Variants in CARD14 observed in about 807,000 individuals in gnomAD.
CARD14 encodes the protein caspase recruitment domain-containing protein 14.
CARD14 carries 107 observed loss-of-function variants against 111.5 expected under a neutral mutation model. That is an observed-to-expected ratio of 0.96 (90% CI 0.82 to 1.13). The LOEUF (loss-of-function observed/expected upper bound fraction) is 1.13, where lower values mean the gene tolerates loss of function less well. CARD14 is among the 50% of genes most tolerant of loss of function. CARD14 has a pLI of 0.00. For missense variants in CARD14, 1,322 were observed against 1,362.3 expected (o/e 0.97, Z 0.47); for synonymous variants, 617 against 579.6 (o/e 1.06, Z -0.93).
intron 1 of CARD14, among the ~76,000 whole-genome samples, chr17:80,172,540 G>A (rs1567861765): frequency 6.6e-6 from 1 of 152,194 alleles, no homozygotes; most frequent in Non-Finnish European, 1.5e-5. Flanking sequence ...GCTTTCATCG[G>A]GGCTGAGGGG....
At position 80,201,750 on chromosome 17, in the gene CARD14, T is replaced by C. The variant is rs1302476342; in HGVS notation, c.1858T>C (p.Tyr620His). ...CTTCTCGACTTGCCCTCAGGTTGAT[T>C]ACGAAGCCTCAGAGCCCTTGTTCAA... Reference protein sequence around the residue: ...RPGTQIVMVDYEASEPLFKAV... With the variant: ...RPGTQIVMVDHEASEPLFKAV... Residue 620 changes from tyrosine to histidine, a missense_variant, in exon 17 of 24, where the codon TAC (tyrosine) becomes CAC (histidine). By Grantham distance (83) the Tyr-to-His change is moderately conservative (BLOSUM62 2). Transcript: ENST00000648509. The surrounding 1 kb of genome is among the most constrained non-coding windows in gnomAD (Gnocchi z 5.0). The C allele has an allele frequency of 3.7e-6, 6 of 1,614,002 alleles. No homozygotes were observed. The highest frequency in any genetic ancestry group is 1.1e-5 in the South Asian group (1 of 91,078).
chr17:80,207,107 G>A (rs764214711), intron 23 of CARD14, 22 bp downstream of exon 23: 10 of 1,580,150 alleles, frequency 6.3e-6, no homozygotes, highest in Non-Finnish European at 8.7e-6. Flanking sequence ...CTGGGGGCTG[G>A]GCAGGGGCTT....
rs1415225401 is a variant in CARD14 at position 80,173,118 on chromosome 17, A to T, written c.-477A>T. On this transcript the variant is annotated 5_prime_UTR_variant, in exon 2 of 24. The change abolishes the stop of an existing upstream ORF in the 5' untranslated region. Coordinates refer to ENST00000648509, the MANE Select transcript of CARD14 (RefSeq NM_001366385.1). ...TGGTCTCGAACTCTGACCTCAAGTG[A>T]TCTGCCTGCCTCAGCCTCTGAAAGT... 1 of 153,232 alleles carries T rather than the reference A, an allele frequency of 6.5e-6. No homozygotes were observed. The highest frequency in any genetic ancestry group is 1.5e-5 in the Non-Finnish European group (1 of 67,980). 9.5% of individuals were successfully genotyped at this position (153,232 alleles called of 1,614,324 possible).
At position 80,181,735 on chromosome 17, in the gene CARD14, C is replaced by T. The variant is rs769519261; in HGVS notation, c.211+86C>T. The T allele has an allele frequency of 4.9e-6, 6 of 1,227,702 alleles. No individual in the cohort carries two copies. In the South Asian group the frequency reaches 7.5e-5, roughly 15 times the overall value. The allele number at this position is 1,227,702 out of a possible 1,614,324, so 76.1% of individuals were successfully genotyped here. ...GTCTGCCTCTGTCTTCAGGGGGTCTCTTCTCGTCCTGTCTCTTATAAAAAC... is the reference window on the plus strand; with the variant it reads ...GTCTGCCTCTGTCTTCAGGGGGTCTTTTCTCGTCCTGTCTCTTATAAAAAC... On this transcript the variant is annotated intron_variant, in intron 5 of 23. Transcript: ENST00000648509.
rs1412261979 is a variant in CARD14 at position 80,190,859 on chromosome 17, T to C, written c.1049T>C (p.Leu350Pro). The C allele has an allele frequency of 6.2e-7, 1 of 1,614,092 alleles. No homozygotes were observed. The highest frequency in any genetic ancestry group is 8.5e-7 in the Non-Finnish European group (1 of 1,180,028). ...CTCTACAGGGAGAAGGTGAATGCGC[T>C]GCAGGCCCAGGTGTGCGAGCTGCAG... ...CQLYREKVNA[L>P]QAQVCELQKE... Residue 350 changes from leucine (L) to proline (P), a missense_variant, in exon 10 of 24, where the codon CTG becomes CCG. Coordinates refer to ENST00000648509, the MANE Select transcript of CARD14 (RefSeq NM_001366385.1).
rs2040216216 is a variant in CARD14, at chr17:80,182,817, G to A, written c.349+27G>A. On this transcript the variant is annotated intron_variant, in intron 6 of 23. Transcript: ENST00000648509. The surrounding 1 kb of genome is among the most constrained non-coding windows in gnomAD (Gnocchi z 4.7). ...TGAGAGCTCCGACTTTGACGGTTTG[G>A]CAGGCACTTCTAGGAACCTCAGGCT... 1.2e-6 allele frequency: 2 copies of A among 1,613,556 alleles called. No homozygotes were observed. Among genetic ancestry groups the A allele is most frequent in the Non-Finnish European group, 1.7e-6 (2 of 1,179,600 alleles).
chr17:80,182,928 C>A lies in CARD14; in HGVS notation c.349+138C>A. The A allele has an allele frequency of 1.9e-6, 2 of 1,047,372 alleles. No individual in the cohort carries two copies. Among genetic ancestry groups the A allele is most frequent in the Non-Finnish European group, 2.8e-6 (2 of 714,082 alleles). The allele number at this position is 1,047,372 out of a possible 1,614,324, so 64.9% of individuals were successfully genotyped here. A position where few individuals can be genotyped will look rare whatever the true frequency, so the allele number is the denominator to read the frequency against. ...GCTGCAGTTCCTGTCCCAGCCCCAG[C>A]ACTCTGAGGGTGAGGAACCCCCTCA... On this transcript the variant is annotated intron_variant, in intron 6 of 23. Transcript: ENST00000648509. This position sits in a 1 kb window ranked among gnomAD's most constrained non-coding sequence, Gnocchi z 4.7.
intron 20 of CARD14, 97 bp from the exon 21 acceptor site, chr17:80,204,938 T>G (rs2041200059): frequency 9.7e-7 from 1 of 1,031,382 alleles, no homozygotes. Context: ...CTGGGGCTGC[T>G]GCAGTGAGCA....
At position 80,189,153 on chromosome 17, in the gene CARD14, A is replaced by T. The variant is rs897289039; in HGVS notation, c.844-600A>T. 1.3e-5 allele frequency among the ~76,000 whole-genome samples: 2 copies of T among 152,188 alleles called. No homozygotes were observed. The highest frequency in any genetic ancestry group is 2.9e-5 in the Non-Finnish European group (2 of 68,044). The stretch of plus-strand genomic sequence containing the variant: ...GAGTGGACTTGGCCAATTGTAAAGC[A>T]TGGGATTCGCGTTAAGGATGGGGGA... On this transcript the variant is annotated intron_variant, in intron 8 of 23. Coordinates refer to ENST00000648509, the MANE Select transcript of CARD14 (RefSeq NM_001366385.1). This position sits in a 1 kb window ranked among gnomAD's most constrained non-coding sequence, Gnocchi z 4.7.
chr17:80,191,740 G>A (rs565835017), intron 11 of CARD14, among the ~76,000 whole-genome samples: 5 of 152,374 alleles, frequency 3.3e-5, no homozygotes, highest in African/African-American at 9.6e-5. Context: ...GGAGCTTAGC[G>A]GAAGGTTCTG....
rs181610887 is a variant in CARD14 at position 80,198,941 on chromosome 17, C to A, written c.1851+350C>A. 6.7e-4 allele frequency: 774 copies of A among 1,150,742 alleles called. 2 individuals carry two copies. In the African/African-American group the frequency reaches 9.4e-3, roughly 14 times the overall value. The allele number at this position is 1,150,742 out of a possible 1,614,324, so 71.3% of individuals were successfully genotyped here. On this transcript the variant is annotated intron_variant, in intron 16 of 23. Transcript: ENST00000648509. This position sits in a 1 kb window ranked among gnomAD's most constrained non-coding sequence, Gnocchi z 7.5. ...TTTTAACCACTGGGGCATTTCTTTT[C>A]TTTCTTTTTTTTTGTTTGTTGTTTT...
rs1034138112 is a variant in CARD14 at position 80,203,438 on chromosome 17, G to C, written c.2220-384G>C. 2.9e-5 allele frequency: 6 copies of C among 205,834 alleles called. No individual in the cohort carries two copies. The highest frequency in any genetic ancestry group is 1.4e-4 in the African/African-American group (6 of 43,066). The allele number at this position is 205,834 out of a possible 1,614,324, so 12.8% of individuals were successfully genotyped here. A position where few individuals can be genotyped will look rare whatever the true frequency, so the allele number is the denominator to read the frequency against. The stretch of plus-strand genomic sequence containing the variant: ...CTGGGGATCGGAGCCAGCAGGTCCA[G>C]GGAGAGGCCTGGCACTCTGCATTTC... On this transcript the variant is annotated intron_variant, in intron 18 of 23. Coordinates refer to ENST00000648509, the MANE Select transcript of CARD14 (RefSeq NM_001366385.1). The surrounding 1 kb of genome is among the most constrained non-coding windows in gnomAD (Gnocchi z 4.6).
Position 80,188,560 on chromosome 17 carries a change from C to T in CARD14, c.843+16C>T, listed in dbSNP as rs143622685. 2.1e-3 allele frequency: 3,006 copies of T among 1,460,850 alleles called. 36 individuals are homozygous for T. The African/African-American group carries it at 0.027, about 13-fold the overall frequency. 90.5% of individuals were successfully genotyped at this position (1,460,850 alleles called of 1,614,324 possible). On this transcript the variant is annotated intron_variant, in intron 8 of 23. Transcript: ENST00000648509. This position sits in a 1 kb window ranked among gnomAD's most constrained non-coding sequence, Gnocchi z 4.5. ...TTTCAGCCTGGTAGGTTCCGGTCCC[C>T]GCAGCAGAGAGCGGCCTCCTGCCTT...
intron 22 of CARD14, 132 bp downstream of exon 22, chr17:80,205,784 C>A: frequency 3.1e-6 from 3 of 959,218 alleles, no homozygotes; most frequent in Non-Finnish European, 4.4e-6. Context: ...CTCTGGGTCC[C>A]AACAGCCCAG....
chr17:80,197,666 C>T (rs1049665508), intron 14 of CARD14: 8 of 217,204 alleles, frequency 3.7e-5, no homozygotes, highest in East Asian at 1.0e-4. Context: ...CAGGTCAGTG[C>T]GGAAATGCAG....
intron 2 of CARD14, among the ~76,000 whole-genome samples, chr17:80,178,085 C>T (rs556763872): frequency 3.9e-5 from 6 of 152,264 alleles, no homozygotes; most frequent in South Asian, 4.1e-4. Flanking sequence ...GAGCTGCCCT[C>T]GATTGGTTCT....
intron 7 of CARD14, among the ~76,000 whole-genome samples, chr17:80,185,914 G>A (rs1038440182): frequency 1.3e-5 from 2 of 152,238 alleles, no homozygotes; most frequent in Non-Finnish European, 2.9e-5. Context: ...GCATCTCCTC[G>A]AGGGCTCTCG....
chr17:80,192,769 T>G, intron 12 of CARD14, 150 bp downstream of exon 12: 2 of 567,070 alleles, frequency 3.5e-6, no homozygotes, highest in Non-Finnish European at 6.1e-6. Context: ...TATTTTATTT[T>G]TTGAGACAGA....
In CARD14 at chr17:80,192,608, A is replaced by C. The variant is rs936736992; in HGVS notation, c.1345A>C (p.Ser449Arg). The change falls in exon 12 of 24, where the codon AGC becomes CGC. Residue 449 changes from serine to arginine, a missense_variant. By Grantham distance (110) the Ser-to-Arg change is moderately radical. Transcript: ENST00000648509. ...PRDDSDCSLV[S>R]STESQLLSDL... ...AGACGACAGCGACTGCAGCCTCGTCAGCTCCACAGAGGTACGGCCGCTCCT... is the reference window on the plus strand; with the variant it reads ...AGACGACAGCGACTGCAGCCTCGTCCGCTCCACAGAGGTACGGCCGCTCCT... 1.9e-6 allele frequency: 3 copies of C among 1,612,202 alleles called. No homozygotes were observed. Among genetic ancestry groups the C allele is most frequent in the African/African-American group, 2.7e-5 (2 of 74,902 alleles).
Sources: allele counts gnomAD v4.1 joint callset (sites outside exome capture counted in the v4.1 genomes callset), GRCh38; gene constraint gnomAD v4.1.1; non-coding constraint Gnocchi (gnomAD v3.1); transcripts MANE v1.5; gene names NCBI Gene and HGNC (gene_info 2026-07-23, HGNC 2026-07-21).